Variants in TRMT1L observed in about 807,000 individuals in gnomAD.
TRMT1L encodes the protein tRNA (guanine(27)-N(2))-dimethyltransferase.
TRMT1L carries 28 observed loss-of-function variants against 81.6 expected under a neutral mutation model. The ratio of observed to expected loss-of-function variants is 0.34; its 90% CI spans 0.25 to 0.47. The LOEUF is 0.47. TRMT1L is among the 20% of genes least tolerant of loss of function. The pLI is 1.00. For missense variants in TRMT1L, 739 were observed against 877.1 expected (o/e 0.84, Z 1.99); for synonymous variants, 301 against 303.2 (o/e 0.99, Z 0.07).
At chr1:185,139,304 G>T in intron 9 of TRMT1L, 63 bp downstream of exon 9, 1 of 1,359,408 alleles carries the variant, frequency 7.4e-7, no homozygotes, top group Non-Finnish European at 1.0e-6. Flanking sequence ...AGTACTTCTT[G>T]TAATATTATC....
chr1:185,135,154 G>A (rs1441418721), intron 10 of TRMT1L, among the ~76,000 whole-genome samples: 1 of 152,124 alleles, frequency 6.6e-6, no homozygotes, highest in Non-Finnish European at 1.5e-5. Flanking sequence ...GGTGGCTCAC[G>A]CTTGTAATCC....
At position 185,156,704 on chromosome 1, in the gene TRMT1L, A is replaced by G. The variant is rs368113240; in HGVS notation, c.9T>C (p.Asn3=). Residue 3 remains asparagine, a synonymous_variant, in exon 1 of 15, where the codon AAT becomes AAC. Coordinates refer to ENST00000367506, the MANE Select transcript of TRMT1L (RefSeq NM_030934.5). ...GGGGCAGCAGCTCCTCCTCCGCCAT[A>G]TTCTCCATAGTTACCGCCTCCGTGC... The part of the protein sequence containing the change: ME[N]MAEEELLPLE... The G allele has an allele frequency of 6.2e-7, 1 of 1,612,434 alleles. No homozygotes were observed. The highest frequency in any genetic ancestry group is 1.3e-5 in the African/African-American group (1 of 74,872).
chr1:185,147,273 T>A (rs1336700413), intron 3 of TRMT1L, 27 bp from the exon 4 acceptor site: 1 of 1,543,168 alleles, frequency 6.5e-7, no homozygotes, highest in Non-Finnish European at 8.9e-7. Context: ...CTGGTTATCA[T>A]ACATTGTTCA....
At chr1:185,139,042 A>AAACAC (rs2102244429) in intron 9 of TRMT1L, among the ~76,000 whole-genome samples, 1 of 152,332 alleles carries the variant, frequency 6.6e-6, no homozygotes, top group African/African-American at 2.4e-5. Flanking sequence ...AAACAAAACA[A>AAACAC]AACAGTTTTT....
At chr1:185,124,719 C>A in intron 12 of TRMT1L, 1 of 274,504 alleles carries the variant, frequency 3.6e-6, no homozygotes, top group Non-Finnish European at 6.7e-6. Context: ...ACAAAACCAA[C>A]AACACTATTC....
chr1:185,127,712 T>C (rs1652664519), intron 11 of TRMT1L, among the ~76,000 whole-genome samples: 1 of 132,686 alleles, frequency 7.5e-6, no homozygotes, highest in African/African-American at 3.0e-5. Context: ...TGAGCCGAGA[T>C]AGTGCCATTG....
At chr1:185,147,049 C>G (rs892160316) in intron 4 of TRMT1L, 133 bp downstream of exon 4, 6 of 485,806 alleles carry the variant, frequency 1.2e-5, no homozygotes, top group Middle Eastern at 1.0e-3. Flanking sequence ...TTATGATAAT[C>G]TGAAAGGACT....
chr1:185,136,462 A>G (rs1343050404), intron 10 of TRMT1L, among the ~76,000 whole-genome samples: 4 of 152,160 alleles, frequency 2.6e-5, no homozygotes, highest in Non-Finnish European at 4.4e-5. Context: ...AGTAAGGAAC[A>G]TGACAGAATT....
intron 12 of TRMT1L, 146 bp downstream of exon 12, chr1:185,124,798 G>C: frequency 3.0e-6 from 2 of 665,424 alleles, no homozygotes; most frequent in Non-Finnish European, 4.5e-6. Flanking sequence ...AAAAAAACCA[G>C]AGGATCAGAC....
At chr1:185,138,839 T>G (rs1488768768) in intron 9 of TRMT1L, among the ~76,000 whole-genome samples, 1 of 152,188 alleles carries the variant, frequency 6.6e-6, no homozygotes, top group Non-Finnish European at 1.5e-5. Context: ...CAGGCTGGAG[T>G]GCAGTGGAGC....
At chr1:185,126,540 T>G (rs1652633992) in intron 11 of TRMT1L, among the ~76,000 whole-genome samples, 1 of 152,206 alleles carries the variant, frequency 6.6e-6, no homozygotes, top group Non-Finnish European at 1.5e-5. Flanking sequence ...AAAGAATATA[T>G]GATTTTAAAT....
At chr1:185,156,255 C>CT (rs1653552058) in intron 1 of TRMT1L, among the ~76,000 whole-genome samples, 1 of 152,238 alleles carries the variant, frequency 6.6e-6, no homozygotes, top group Non-Finnish European at 1.5e-5. Flanking sequence ...CATTCCTGCT[C>CT]TCCGCATATC....
chr1:185,122,942 C>T (rs1652536042), intron 13 of TRMT1L, among the ~76,000 whole-genome samples: 3 of 152,070 alleles, frequency 2.0e-5, no homozygotes, highest in Admixed American at 2.0e-4. Context: ...AACTTGGCCT[C>T]CCAAAATGCT....
At chr1:185,128,061 C>T (rs761538336) in intron 11 of TRMT1L, among the ~76,000 whole-genome samples, 3 of 151,932 alleles carry the variant, frequency 2.0e-5, no homozygotes, top group African/African-American at 4.8e-5. Context: ...TTGCAGTGAG[C>T]CGATATTGCG....
chr1:185,153,604 GGT>G (rs917780543), intron 1 of TRMT1L, among the ~76,000 whole-genome samples: 27 of 152,194 alleles, frequency 1.8e-4, no homozygotes, highest in African/African-American at 6.5e-4. Flanking sequence ...CAGAAAATTA[GGT>G]TTTTCTTTTT....
At chr1:185,139,698 A>G (rs1652987397) in intron 8 of TRMT1L, 119 bp from the exon 9 acceptor site, 5 of 782,052 alleles carry the variant, frequency 6.4e-6, no homozygotes, top group Non-Finnish European at 9.9e-6. Flanking sequence ...AATATATTTT[A>G]AGTACATAAT....
rs1026357092 is a variant in TRMT1L at position 185,119,426 on chromosome 1, T to A, written c.*593A>T. ...CCTTAAAGTTACAAAAATAAAGTAT[T>A]TCTATCTCAGGCAAGTATTTAATTT... On this transcript the variant is annotated 3_prime_UTR_variant, in exon 15 of 15. Transcript: ENST00000367506. 3 of 152,214 alleles carry A rather than the reference T, an allele frequency of 2.0e-5. No individual in the cohort carries two copies. Among genetic ancestry groups the A allele is most frequent in the African/African-American group, 7.2e-5 (3 of 41,464 alleles). The allele number at this position is 152,214 out of a possible 1,614,324, so 9.4% of individuals were successfully genotyped here.
At chr1:185,152,424 G>A (rs1210543871) in intron 1 of TRMT1L, among the ~76,000 whole-genome samples, 1 of 152,234 alleles carries the variant, frequency 6.6e-6, no homozygotes, top group East Asian at 1.9e-4. Context: ...AATGTGGTAT[G>A]TTTGGGGGGA....
intron 10 of TRMT1L, among the ~76,000 whole-genome samples, chr1:185,131,908 AG>A (rs1652780230): frequency 2.6e-5 from 4 of 152,128 alleles, no homozygotes; most frequent in Admixed American, 2.0e-4. Context: ...TGGGGAGACG[AG>A]GTAGGCAGAT....
Sources: allele counts gnomAD v4.1 joint callset (sites outside exome capture counted in the v4.1 genomes callset), GRCh38; gene constraint gnomAD v4.1.1; transcripts MANE v1.5; gene names NCBI Gene and HGNC (gene_info 2026-07-23, HGNC 2026-07-21).